Variants in PLXNA4 observed in about 807,000 individuals in gnomAD.
PLXNA4 encodes plexin-A4.
In PLXNA4, 44 loss-of-function variants were observed where a neutral mutation model predicts 191.8. The ratio of observed to expected loss-of-function variants is 0.23; its 90% CI spans 0.18 to 0.29. The LOEUF (loss-of-function observed/expected upper bound fraction) is 0.29, where lower values mean the gene tolerates loss of function less well. Ranked by LOEUF, PLXNA4 falls within the 10% of genes least tolerant of loss-of-function variation. PLXNA4 has a pLI of 1.00. For missense variants in PLXNA4, 1,800 were observed against 2,488.8 expected (o/e 0.72, Z 5.89); for synonymous variants, 1,082 against 1,009.5 (o/e 1.07, Z -1.36).
chr7:132,520,503 C>A (rs1344691447), intron 1 of PLXNA4, among the ~76,000 whole-genome samples: 1 of 152,214 alleles, frequency 6.6e-6, no homozygotes, highest in Non-Finnish European at 1.5e-5. Flanking sequence ...GACCCCTCGA[C>A]AGGTTGACTC....
intron 10 of PLXNA4, among the ~76,000 whole-genome samples, chr7:132,210,300 G>T (rs1160237629): frequency 2.0e-5 from 3 of 152,238 alleles, no homozygotes; most frequent in Non-Finnish European, 4.4e-5. Context: ...GGGGTTCACT[G>T]TGGGGTACCT....
At chr7:132,494,761 AC>A (rs1277285105) in intron 2 of PLXNA4, among the ~76,000 whole-genome samples, 2 of 152,126 alleles carry the variant, frequency 1.3e-5, no homozygotes, top group African/African-American at 4.8e-5. Flanking sequence ...AATTGCTCCC[AC>A]TCTGCAGAGA....
At chr7:132,490,491 T>C (rs543355416) in intron 2 of PLXNA4, among the ~76,000 whole-genome samples, 1 of 139,740 alleles carries the variant, frequency 7.2e-6, no homozygotes, top group South Asian at 2.3e-4. Flanking sequence ...AGTGACATGA[T>C]AATGGCTCAC....
At chr7:132,321,330 TAC>T (rs577302335) in intron 3 of PLXNA4, among the ~76,000 whole-genome samples, 131 of 152,018 alleles carry the variant, frequency 8.6e-4, no homozygotes, top group Middle Eastern at 3.4e-3. Context: ...ATGTAAGATC[TAC>T]AGTTACCCTA....
chr7:132,270,468 G>A (rs1236631826), intron 4 of PLXNA4, among the ~76,000 whole-genome samples: 3 of 152,208 alleles, frequency 2.0e-5, no homozygotes, highest in Admixed American at 2.0e-4. Flanking sequence ...GCAGTCTCAT[G>A]AGTTCAGAAA....
At chr7:132,626,214 T>G (rs1031001242) in intron 2 of PLXNA4, among the ~76,000 whole-genome samples, 1 of 152,176 alleles carries the variant, frequency 6.6e-6, no homozygotes, top group Non-Finnish European at 1.5e-5. Context: ...ACATTCCCAC[T>G]GCCACAAACT....
intron 3 of PLXNA4, among the ~76,000 whole-genome samples, chr7:132,437,708 T>A (rs1795530298): frequency 6.6e-6 from 1 of 152,024 alleles, no homozygotes; most frequent in Non-Finnish European, 1.5e-5. Flanking sequence ...CCACCCCAGG[T>A]TGGCCCCAGA....
rs920700310 is a variant in PLXNA4, at chr7:132,145,265, A to G, written c.5079T>C (p.Asp1693=). Residue 1693 remains aspartate, a synonymous_variant, in exon 29 of 32, where the codon GAT becomes GAC. Transcript: ENST00000321063. ...TGCTGAAGATGGTCTCAAAGAGGTC[A>G]TCCACAAACTTCTGCAGTGTGCCCT... is the stretch of plus-strand genomic sequence containing the variant. ...ATKGTLQKFV[D]DLFETIFSTA... 6.2e-6 allele frequency: 10 copies of G among 1,614,090 alleles called. No homozygotes were observed. The highest frequency in any genetic ancestry group is 8.5e-6 in the Non-Finnish European group (10 of 1,180,036).
At chr7:132,368,605 C>T (rs1804292343) in intron 3 of PLXNA4, among the ~76,000 whole-genome samples, 1 of 152,224 alleles carries the variant, frequency 6.6e-6, no homozygotes, top group Admixed American at 6.5e-5. Context: ...TGCGCTGCGG[C>T]TCACAGCACC....
At chr7:132,563,679 TCTC>T (rs769335109) in intron 1 of PLXNA4, among the ~76,000 whole-genome samples, 281 of 21,642 alleles carry the variant, frequency 0.013, 2 homozygotes, top group Non-Finnish European at 0.02. Context: ...TCCTCCTCTT[TCTC>T]CTCCTCCTCC....
chr7:132,326,943 G>A (rs1269821360), intron 3 of PLXNA4, among the ~76,000 whole-genome samples: 2 of 148,930 alleles, frequency 1.3e-5, no homozygotes, highest in African/African-American at 5.0e-5. Flanking sequence ...GGAAGAAAGG[G>A]AGAGAGGGAA....
intron 1 of PLXNA4, among the ~76,000 whole-genome samples, chr7:132,571,398 C>T (rs764983381): frequency 1.1e-4 from 17 of 152,202 alleles, no homozygotes; most frequent in Non-Finnish European, 2.5e-4. Context: ...CACCAACATG[C>T]GATGAGTCTC....
chr7:132,424,948 G>A (rs1462071751), intron 3 of PLXNA4, among the ~76,000 whole-genome samples: 1 of 152,194 alleles, frequency 6.6e-6, no homozygotes, highest in African/African-American at 2.4e-5. Flanking sequence ...CCTCTGCTGG[G>A]TGTCAGCATC....
At chr7:132,498,009 A>G (rs955455326) in intron 2 of PLXNA4, among the ~76,000 whole-genome samples, 1 of 152,166 alleles carries the variant, frequency 6.6e-6, no homozygotes, top group Non-Finnish European at 1.5e-5. Context: ...TTGGGGTTGG[A>G]AAAACAACCC....
rs777359300 is a variant in PLXNA4 at position 132,508,399 on chromosome 7, G to A, written c.295C>T (p.Arg99Cys). Residue 99 changes from arginine (R) to cysteine (C), a missense_variant, in exon 2 of 32, where the codon CGC (arginine) becomes TGC (cysteine). Arg to Cys is a radical substitution (Grantham distance 180). This residue lies in a region of PLXNA4 where 1,397 missense variants were observed against 1,880.4 expected (regional missense o/e 0.74). Coordinates refer to ENST00000321063, the MANE Select transcript of PLXNA4 (RefSeq NM_020911.2). This position sits in a 1 kb window ranked among gnomAD's most constrained non-coding sequence, Gnocchi z 4.4. Reference protein sequence around the residue: ...DEDNPKCYPPRIVQTCNEPLT... With the variant: ...DEDNPKCYPPCIVQTCNEPLT... Reference sequence around the variant, plus strand: ...GGCTCATTGCAGGTCTGGACGATGCGGGGTGGGTAACACTTGGGGTTGTCC... The same window carrying A: ...GGCTCATTGCAGGTCTGGACGATGCAGGGTGGGTAACACTTGGGGTTGTCC... 1.1e-5 allele frequency: 17 copies of A among 1,614,074 alleles called. No individual in the cohort carries two copies. The East Asian group carries it at 2.0e-4, about 19-fold the overall frequency.
Position 132,241,093 on chromosome 7 carries a change from T to G in PLXNA4, c.1577A>C (p.His526Pro). ...GTTGTGCAGCACACACCAGCCACAG[T>G]GGGGGTCGCCTGAGCCAAGGCACTC... ...CGECLGSGDP[H>P]CGWCVLHNTC... Residue 526 changes from histidine to proline, a missense_variant, in exon 5 of 32, where the codon CAC (histidine) becomes CCC (proline). Physicochemically the swap from His to Pro is moderately conservative, Grantham distance 77. This residue lies in a region of PLXNA4 where 1,397 missense variants were observed against 1,880.4 expected (regional missense o/e 0.74). Coordinates refer to ENST00000321063, the MANE Select transcript of PLXNA4 (RefSeq NM_020911.2). 6.2e-7 allele frequency: 1 copy of G among 1,613,004 alleles called. No individual in the cohort carries two copies. Among genetic ancestry groups the G allele is most frequent in the Non-Finnish European group, 8.5e-7 (1 of 1,179,338 alleles).
At chr7:132,503,458 A>G (rs1798335756) in intron 2 of PLXNA4, among the ~76,000 whole-genome samples, 1 of 152,204 alleles carries the variant, frequency 6.6e-6, no homozygotes, top group Non-Finnish European at 1.5e-5. Flanking sequence ...GGTCAAACCC[A>G]GCATCTTCTC....
chr7:132,594,928 TA>T, intron 2 of PLXNA4, among the ~76,000 whole-genome samples: 1 of 91,330 alleles, frequency 1.1e-5, no homozygotes, highest in Non-Finnish European at 2.4e-5. Flanking sequence ...GATAGATAGA[TA>T]GATAGATAGA....
rs888871446 is a variant in PLXNA4, at chr7:132,291,468, T to C, written c.1503+6623A>G. 5.3e-5 allele frequency among the ~76,000 whole-genome samples: 8 copies of C among 152,348 alleles called. 1 individual carries two copies. Among genetic ancestry groups the C allele is most frequent in the Admixed American group, 5.2e-4 (8 of 15,304 alleles). ...TATAAGGATAAGGACTTTGCTTGTA[T>C]TGTTCCCCATGGAATTCCTGGTATC... On this transcript the variant is annotated intron_variant, in intron 4 of 31. Transcript: ENST00000321063.
Sources: gnomAD v4.1 joint callset for allele counts (sites outside exome capture counted in the v4.1 genomes callset) on GRCh38, gnomAD v4.1.1 for gene constraint, gnomAD v4.1.1 regional missense constraint, Gnocchi (gnomAD v3.1) non-coding constraint, MANE v1.5 for transcripts, NCBI Gene and HGNC (gene_info 2026-07-23, HGNC 2026-07-21) for gene names.